Variants in IGSF22 observed in about 807,000 individuals in gnomAD.
The protein encoded by IGSF22 is immunoglobulin superfamily member 22.
Under a neutral mutation model 127.0 loss-of-function variants are expected in IGSF22, and 119 were observed. The observed-to-expected ratio is 0.94, with a 90% CI of 0.81 to 1.09. IGSF22 has a LOEUF of 1.09. Ranked by LOEUF, IGSF22 falls within the 50% of genes least tolerant of loss-of-function variation. The pLI is 0.00. For missense variants in IGSF22, 1,518 were observed against 1,716.6 expected, an observed-to-expected ratio of 0.88 and a Z score of 2.04; for synonymous variants, 568 against 664.7, an observed-to-expected ratio of 0.85 and a Z score of 2.24.
Position 18,721,984 on chromosome 11 carries a change from C to CG in IGSF22, c.166dup (p.Arg56ProfsTer13), listed in dbSNP as rs747417655. 6.2e-7 allele frequency: 1 copy of CG among 1,614,054 alleles called. No individual in the cohort carries two copies. The highest frequency in any genetic ancestry group is 2.2e-5 in the East Asian group (1 of 44,874). On this transcript the variant is annotated frameshift_variant, in exon 3 of 23. Coordinates refer to ENST00000513874, the MANE Select transcript of IGSF22 (RefSeq NM_173588.4). LOFTEE classifies it high-confidence loss of function. ...GTCGCCCGCAGGGATGTTTGAGCTC[C>CG]GGGTCACTAAGCTGAAGAACTCCAC...
chr11:18,707,996 C>T lies in IGSF22; in HGVS notation c.3088G>A (p.Gly1030Ser). The part of the protein sequence containing the change: ...TALCIHAAFS[G>S]SPPPDVIWQK... ...CAGATCACGTCAGGTGGTGGTGAGC[C>T]CTGAGTAGTGACAGGAGATGGCACA... The change falls in exon 20 of 23, where the codon GGC becomes AGC. Residue 1030 changes from glycine (G) to serine (S), a missense_variant and splice_region_variant. Around this residue, in one of 3 missense-constraint regions of IGSF22, gnomAD observed 1,456 missense variants for 1,644.9 expected, o/e 0.89. Coordinates refer to ENST00000513874, the MANE Select transcript of IGSF22 (RefSeq NM_173588.4). The T allele has an allele frequency of 1.9e-6, 3 of 1,613,970 alleles. No individual in the cohort carries two copies. The highest frequency in any genetic ancestry group is 2.5e-6 in the Non-Finnish European group (3 of 1,179,902).
Position 18,709,155 on chromosome 11 carries a change from A to C in IGSF22, c.2998+232T>G, listed in dbSNP as rs951415671. On this transcript the variant is annotated intron_variant, in intron 18 of 22. Coordinates refer to ENST00000513874, the MANE Select transcript of IGSF22 (RefSeq NM_173588.4). This position sits in a 1 kb window ranked among gnomAD's most constrained non-coding sequence, Gnocchi z 4.8. ...TTTTGCGTGTACAATGCGCAAGAAG[A>C]ACCCATTGGGTGGTTACACCTTGAC... Among the ~76,000 whole-genome samples the C allele has an allele frequency of 1.4e-4, 21 of 152,228 alleles. No homozygotes were observed. The highest frequency in any genetic ancestry group is 3.6e-4 in the African/African-American group (15 of 41,452).
At position 18,714,405 on chromosome 11, in the gene IGSF22, G is replaced by A. The variant is rs754882865; in HGVS notation, c.1670C>T (p.Pro557Leu). ...ACCCTGCTTCACAATCTGCATGCCT[G>A]GCAAGTCCGTGATCTGGGGGTCAGG... ...LKDGKEITDL[P>L]GMQIVKQGAV... Residue 557 changes from proline (P) to leucine (L), a missense_variant, in exon 13 of 23, where the codon CCA becomes CTA. Coordinates refer to ENST00000513874, the MANE Select transcript of IGSF22 (RefSeq NM_173588.4). 12 of 1,613,930 alleles carry A rather than the reference G, an allele frequency of 7.4e-6. No homozygotes were observed. In the South Asian group the frequency reaches 1.2e-4, roughly 16 times the overall value.
Position 18,718,058 on chromosome 11 carries a change from G to T in IGSF22, c.846C>A (p.Gly282=), listed in dbSNP as rs1848495254. The T allele has an allele frequency of 3.7e-6, 6 of 1,614,004 alleles. No homozygotes were observed. Among genetic ancestry groups the T allele is most frequent in the Non-Finnish European group, 5.1e-6 (6 of 1,180,026 alleles). Residue 282 remains glycine (G), a synonymous_variant, in exon 9 of 23, where the codon GGC becomes GGA. Coordinates refer to ENST00000513874, the MANE Select transcript of IGSF22 (RefSeq NM_173588.4). ...TGCCCATCTGCTTCACATCGTACTT[G>T]CCCAGGGAGTACTGGATCCTCAGTG... ...TEPLRIQYSL[G]KYDVKQMGTK... is the part of the protein sequence containing the mutation.
At position 18,714,098 on chromosome 11, in the gene IGSF22, T is replaced by C. The variant is rs572679444; in HGVS notation, c.1849A>G (p.Ile617Val). ...GCCGTGTGGCCTACCTTCACAGTGATGGCGTGCGCAGCCAGTGCCTCCAGT... is the reference window on the plus strand; with the variant it reads ...GCCGTGTGGCCTACCTTCACAGTGACGGCGTGCGCAGCCAGTGCCTCCAGT... ...SVLEALAAHA[I>V]TVKVGHTAHI... Residue 617 changes from isoleucine (I) to valine (V), a missense_variant, in exon 14 of 23, where the codon ATC (isoleucine) becomes GTC (valine). Coordinates refer to ENST00000513874, the MANE Select transcript of IGSF22 (RefSeq NM_173588.4). The C allele has an allele frequency of 3.1e-6, 5 of 1,614,216 alleles. No homozygotes were observed. The East Asian group carries it at 8.9e-5, about 29-fold the overall frequency.
At chr11:18,725,411 A>G (rs1848636805) in intron 1 of IGSF22, among the ~76,000 whole-genome samples, 1 of 152,152 alleles carries the variant, frequency 6.6e-6, no homozygotes, top group Non-Finnish European at 1.5e-5. Flanking sequence ...TATAGGTGTG[A>G]GCCACTGCAT....
chr11:18,720,072 C>T lies in IGSF22; in HGVS notation c.510G>A (p.Leu170=). 1 of 1,614,138 alleles carries T rather than the reference C, an allele frequency of 6.2e-7. No individual in the cohort carries two copies. The highest frequency in any genetic ancestry group is 8.5e-7 in the Non-Finnish European group (1 of 1,180,028). The part of the protein sequence containing the change: ...GQEKMDFKKM[L]KKRAPPAPKK... ...GGACCTGCCAGCCTCACCTCTTCTT[C>T]AGCATCTTTTTGAAGTCCATTTTCT... The change falls in exon 6 of 23, where the codon CTG becomes CTA. Residue 170 remains leucine, a synonymous_variant. Transcript: ENST00000513874.
At chr11:18,721,731 CCTCTG>C in intron 3 of IGSF22, 60 bp from the exon 4 acceptor site, 1 of 1,605,914 alleles carries the variant, frequency 6.2e-7, no homozygotes, top group Non-Finnish European at 8.5e-7. Flanking sequence ...CCTCTGCCAC[CCTCTG>C]CCGGCTCTCT....
chr11:18,710,419 G>A lies in IGSF22; in HGVS notation c.2609C>T (p.Thr870Ile), dbSNP rs372092174. The change falls in exon 17 of 23, where the codon ACA becomes ATA. Residue 870 changes from threonine (T) to isoleucine (I), a missense_variant. Around this residue, in one of 3 missense-constraint regions of IGSF22, gnomAD observed 1,456 missense variants for 1,644.9 expected, o/e 0.89. Coordinates refer to ENST00000513874, the MANE Select transcript of IGSF22 (RefSeq NM_173588.4). Reference protein sequence around the residue: ...KCTVDGLLEDTEYEFRVIAVN... With the variant: ...KCTVDGLLEDIEYEFRVIAVN... ...AGCTATAACTCGGAATTCATATTCT[G>A]TGTCCTCCAGGAGACCATCCACAGT... The A allele has an allele frequency of 2.3e-5, 37 of 1,614,186 alleles. No homozygotes were observed. The Middle Eastern group carries it at 5.0e-4, about 22-fold the overall frequency.
Position 18,704,436 on chromosome 11 carries a change from A to G in IGSF22, c.*32T>C. ...ACAGGCCAAGAAACTCCACATCATA[A>G]CAGCCTCCTGATGCCTGGGCTTGGC... On this transcript the variant is annotated 3_prime_UTR_variant, in exon 23 of 23. Coordinates refer to ENST00000513874, the MANE Select transcript of IGSF22 (RefSeq NM_173588.4). 1 of 1,489,270 alleles carries G rather than the reference A, an allele frequency of 6.7e-7. No individual in the cohort carries two copies. The highest frequency in any genetic ancestry group is 1.2e-5 in the South Asian group (1 of 82,780). 92.3% of individuals were successfully genotyped at this position (1,489,270 alleles called of 1,614,324 possible).
rs992977739 is a variant in IGSF22 at position 18,724,051 on chromosome 11, T to TTA, written c.109+76_109+77insTA. The stretch of plus-strand genomic sequence containing the variant: ...CAGAGGGGCCCATTAGTGGCAAAAC[T>TTA]GGGGCCACCCAAGGGATGGGTGTGG... On this transcript the variant is annotated intron_variant, in intron 2 of 22. Transcript: ENST00000513874. 83 of 1,209,322 alleles carry TTA rather than the reference T, an allele frequency of 6.9e-5. No homozygotes were observed. The Admixed American group carries it at 1.5e-3, about 21-fold the overall frequency. The allele number at this position is 1,209,322 out of a possible 1,614,324, so 74.9% of individuals were successfully genotyped here.
At chr11:18,721,487 C>G (rs1848571071) in intron 4 of IGSF22, 48 bp downstream of exon 4, 2 of 1,613,146 alleles carry the variant, frequency 1.2e-6, no homozygotes, top group Admixed American at 3.3e-5. Flanking sequence ...CCTGGGGGTC[C>G]CTGCCTCTGG....
rs949761939 is a variant in IGSF22, at chr11:18,712,130, C to T, written c.2350G>A (p.Val784Met). 1 of 1,551,734 alleles carries T rather than the reference C, an allele frequency of 6.4e-7. No homozygotes were observed. The highest frequency in any genetic ancestry group is 8.7e-7 in the Non-Finnish European group (1 of 1,146,998). Residue 784 changes from valine (V) to methionine (M), a missense_variant, in exon 15 of 23, where the codon GTG (valine) becomes ATG (methionine). By Grantham distance (21) the Val-to-Met change is conservative. Around this residue, in one of 3 missense-constraint regions of IGSF22, gnomAD observed 1,456 missense variants for 1,644.9 expected, o/e 0.89. Transcript: ENST00000513874. ...FRILAVNSEGVSDPLETEEVF... is the reference protein window; with the variant it reads ...FRILAVNSEGMSDPLETEEVF... ...TCTTCTGTCTCCAGTGGGTCACTCA[C>T]ACCTTCTGAATTGACTGCCAGGATA... is the stretch of plus-strand genomic sequence containing the variant.
chr11:18,709,918 C>T lies in IGSF22; in HGVS notation c.2702-235G>A, dbSNP rs1848319295. ...TCAATACCCCTTAAATTCAACATAC[C>T]CCACATATTCAAAGCTTCTGTATTC... is the stretch of plus-strand genomic sequence containing the variant. On this transcript the variant is annotated intron_variant, in intron 17 of 22. Coordinates refer to ENST00000513874, the MANE Select transcript of IGSF22 (RefSeq NM_173588.4). The surrounding 1 kb of genome is among the most constrained non-coding windows in gnomAD (Gnocchi z 4.8). Among the ~76,000 whole-genome samples, 1 of 152,036 alleles carries T rather than the reference C, an allele frequency of 6.6e-6. No homozygotes were observed. Among genetic ancestry groups the T allele is most frequent in the Admixed American group, 6.6e-5 (1 of 15,256 alleles).
chr11:18,712,274 A>C lies in IGSF22; in HGVS notation c.2206T>G (p.Phe736Val), dbSNP rs1848371974. The C allele has an allele frequency of 1.3e-6, 2 of 1,551,620 alleles. No individual in the cohort carries two copies. The highest frequency in any genetic ancestry group is 1.7e-6 in the Non-Finnish European group (2 of 1,146,974). The change falls in exon 15 of 23, where the codon TTC becomes GTC. Residue 736 changes from phenylalanine to valine, a missense_variant. Transcript: ENST00000513874. Reference sequence around the variant, plus strand: ...CCAACTGCCCTCCGTTCCACTATGAACTGTGTCACAGGTCGTCCACCATTG... The same window carrying C: ...CCAACTGCCCTCCGTTCCACTATGACCTGTGTCACAGGTCGTCCACCATTG... The part of the protein sequence containing the change: ...KDNGGRPVTQ[F>V]IVERRAVGKK...
At chr11:18,723,565 A>G (rs1848606288) in intron 2 of IGSF22, among the ~76,000 whole-genome samples, 1 of 152,240 alleles carries the variant, frequency 6.6e-6, no homozygotes, top group South Asian at 2.1e-4. Flanking sequence ...TTTCCACTAG[A>G]GACGTGACTA....
Position 18,709,762 on chromosome 11 carries a change from T to A in IGSF22, c.2702-79A>T. ...CTTGCTCACTTCCCACACTCAATAC[T>A]CCTGAACCCCATCCTTCACTACTTC... is the stretch of plus-strand genomic sequence containing the variant. On this transcript the variant is annotated intron_variant, in intron 17 of 22. Coordinates refer to ENST00000513874, the MANE Select transcript of IGSF22 (RefSeq NM_173588.4). This position sits in a 1 kb window ranked among gnomAD's most constrained non-coding sequence, Gnocchi z 4.8. The A allele has an allele frequency of 1.4e-6, 2 of 1,403,494 alleles. No homozygotes were observed. The highest frequency in any genetic ancestry group is 1.9e-6 in the Non-Finnish European group (2 of 1,030,052). The allele number at this position is 1,403,494 out of a possible 1,614,324, so 86.9% of individuals were successfully genotyped here. A position where few individuals can be genotyped will look rare whatever the true frequency, so the allele number is the denominator to read the frequency against.
At chr11:18,714,728 G>C in intron 11 of IGSF22, 104 bp from the exon 12 acceptor site, 1 of 1,433,144 alleles carries the variant, frequency 7.0e-7, no homozygotes, top group South Asian at 1.3e-5. Context: ...CAGGGGTGCT[G>C]CGTCAATCAA....
At chr11:18,718,582 T>C in intron 8 of IGSF22, 33 bp downstream of exon 8, 1 of 1,197,994 alleles carries the variant, frequency 8.3e-7, no homozygotes, top group Non-Finnish European at 1.2e-6. Context: ...GAAGAGATAT[T>C]GCCAAGGTGG....
Sources: allele counts gnomAD v4.1 joint callset (sites outside exome capture counted in the v4.1 genomes callset), GRCh38; gene constraint gnomAD v4.1.1; regional missense constraint gnomAD v4.1.1; non-coding constraint Gnocchi (gnomAD v3.1); transcripts MANE v1.5; gene names NCBI Gene and HGNC (gene_info 2026-07-23, HGNC 2026-07-21).